Variants in SPAG9 observed in about 807,000 individuals in gnomAD.
SPAG9 encodes the protein C-Jun-amino-terminal kinase-interacting protein 4.
In SPAG9, 35 loss-of-function variants were observed where a neutral mutation model predicts 166.5. The ratio of observed to expected loss-of-function variants is 0.21; its 90% CI spans 0.16 to 0.28. SPAG9 has a LOEUF of 0.28. SPAG9 is among the 10% of genes least tolerant of loss of function. The pLI is 1.00. For synonymous variants in SPAG9, 534 were observed against 565.5 expected (o/e 0.94, Z 0.79); for missense variants, 1,235 against 1,603.3 (o/e 0.77, Z 3.92).
chr17:51,002,923 A>T (rs2095260898), intron 12 of SPAG9, among the ~76,000 whole-genome samples: 1 of 151,744 alleles, frequency 6.6e-6, no homozygotes, highest in African/African-American at 2.4e-5. Context: ...TCTACAGAAA[A>T]TAAAAAATTA....
chr17:51,095,747 TATATATATAGTGATATACATATAGTG>T (rs2048598056), intron 1 of SPAG9, among the ~76,000 whole-genome samples: 1 of 147,434 alleles, frequency 6.8e-6, no homozygotes, highest in Non-Finnish European at 1.5e-5. Flanking sequence ...CATATAGTGA[TATATATATAGTGATATACATATAGTG>T]ATATATATAG....
At chr17:51,118,764 G>T (rs1452512361) in intron 1 of SPAG9, among the ~76,000 whole-genome samples, 1 of 152,166 alleles carries the variant, frequency 6.6e-6, no homozygotes, top group Non-Finnish European at 1.5e-5. Flanking sequence ...TTCTGGCGGG[G>T]TGCGGTGGCT....
chr17:51,041,106 T>C (rs1268428141), intron 5 of SPAG9, among the ~76,000 whole-genome samples: 1 of 152,238 alleles, frequency 6.6e-6, no homozygotes, highest in Admixed American at 6.5e-5. Flanking sequence ...TGTTTTGTTT[T>C]GTTTTTCTGT....
intron 1 of SPAG9, among the ~76,000 whole-genome samples, chr17:51,104,230 A>G (rs1324796686): frequency 6.6e-6 from 1 of 152,158 alleles, no homozygotes; most frequent in Admixed American, 6.6e-5. Context: ...CTCCAGAGAG[A>G]GATCTGGCCT....
At chr17:51,016,132 C>T (rs980040066) in intron 8 of SPAG9, 1 of 152,090 alleles carries the variant, frequency 6.6e-6, no homozygotes, top group African/African-American at 2.4e-5. Context: ...ATCTCCCAAC[C>T]CATATAGTTC....
rs747590923 is a variant in SPAG9 at position 50,995,435 on chromosome 17, T to A, written c.2058+9A>T. 3.8e-6 allele frequency: 6 copies of A among 1,590,658 alleles called. No homozygotes were observed. In the East Asian group the frequency reaches 1.1e-4, roughly 30 times the overall value. ...GAAAACATCTCCTTTTAATTCACAA[T>A]GAACTTACCTTCATTGATGTATCTT... is the stretch of plus-strand genomic sequence containing the variant. On this transcript the variant is annotated intron_variant, in intron 17 of 29. Coordinates refer to ENST00000262013, the MANE Select transcript of SPAG9 (RefSeq NM_001130528.3).
intron 3 of SPAG9, among the ~76,000 whole-genome samples, chr17:51,052,106 A>T (rs2047199147): frequency 6.6e-6 from 1 of 152,230 alleles, no homozygotes; most frequent in South Asian, 2.1e-4. Flanking sequence ...ATCAAATTTT[A>T]AAAAGCCACG....
rs1975818145 is a variant in SPAG9 at position 50,993,749 on chromosome 17, A to G, written c.2398+15T>C. The G allele has an allele frequency of 6.2e-7, 1 of 1,612,352 alleles. No individual in the cohort carries two copies. Among genetic ancestry groups the G allele is most frequent in the African/African-American group, 1.3e-5 (1 of 74,900 alleles). On this transcript the variant is annotated intron_variant, in intron 19 of 29. Coordinates refer to ENST00000262013, the MANE Select transcript of SPAG9 (RefSeq NM_001130528.3). Reference sequence around the variant, plus strand: ...GATGGAGGGGAGGGCAGAGAAACGCATGACTCACTCTTACCTGGCACACTT... The same window carrying G: ...GATGGAGGGGAGGGCAGAGAAACGCGTGACTCACTCTTACCTGGCACACTT...
chr17:51,077,053 G>GCTAGCTAGCTAGCTAT (rs2048020759), intron 2 of SPAG9, among the ~76,000 whole-genome samples: 2 of 113,232 alleles, frequency 1.8e-5, no homozygotes, highest in East Asian at 2.6e-4. Context: ...TAGCTATCTA[G>GCTAGCTAGCTAGCTAT]CTAGCTATCT....
chr17:51,099,381 C>T (rs1316039855), intron 1 of SPAG9, among the ~76,000 whole-genome samples: 2 of 140,618 alleles, frequency 1.4e-5, no homozygotes, highest in African/African-American at 2.6e-5. Flanking sequence ...TGCAGTGAGC[C>T]GAGATAGCGC....
intron 4 of SPAG9, 86 bp from the exon 5 acceptor site, chr17:51,041,737 CACTGTTTTA>C (rs1188899419): frequency 4.1e-6 from 5 of 1,229,064 alleles, no homozygotes; most frequent in Middle Eastern, 4.3e-4. Flanking sequence ...CCTGGACTGC[CACTGTTTTA>C]CAACCATCAC....
intron 26 of SPAG9, among the ~76,000 whole-genome samples, chr17:50,977,786 A>G (rs748261285): frequency 2.6e-5 from 4 of 152,146 alleles, no homozygotes; most frequent in Non-Finnish European, 2.9e-5. Flanking sequence ...TGGGAGGCTG[A>G]GGTGGGAGGG....
intron 14 of SPAG9, 118 bp downstream of exon 14, chr17:50,999,543 G>C (rs1390876972): frequency 4.9e-6 from 7 of 1,417,878 alleles, no homozygotes; most frequent in Non-Finnish European, 6.6e-6. Context: ...ATTACCCCTA[G>C]TTTAAAAAAA....
At chr17:51,105,386 T>C (rs1182259423) in intron 1 of SPAG9, among the ~76,000 whole-genome samples, 1 of 152,076 alleles carries the variant, frequency 6.6e-6, no homozygotes, top group South Asian at 2.1e-4. Flanking sequence ...AGGAATAAGA[T>C]AGAAAACAAG....
chr17:51,039,697 T>C (rs181307262), intron 5 of SPAG9, among the ~76,000 whole-genome samples: 393 of 152,346 alleles, frequency 2.6e-3, no homozygotes, highest in Non-Finnish European at 3.1e-3. Context: ...AATAAAGTTC[T>C]GGCATAGCCT....
intron 5 of SPAG9, among the ~76,000 whole-genome samples, chr17:51,037,665 T>TTATATATATATATATA (rs59365716): frequency 9.8e-4 from 91 of 92,904 alleles, no homozygotes; most frequent in African/African-American, 3.2e-3. Flanking sequence ...TATATGTGTT[T>TTATATATATATATATA]TATATATATA....
chr17:51,025,148 G>A lies in SPAG9; in HGVS notation c.784-3783C>T, dbSNP rs894646292. Among the ~76,000 whole-genome samples, 10 of 151,084 alleles carry A rather than the reference G, an allele frequency of 6.6e-5. No homozygotes were observed. In the East Asian group the frequency reaches 7.8e-4, roughly 12 times the overall value. On this transcript the variant is annotated intron_variant, in intron 6 of 29. Coordinates refer to ENST00000262013, the MANE Select transcript of SPAG9 (RefSeq NM_001130528.3). ...AGCTTGGCCAACATGGGGAAACCCC[G>A]TCTCTACTAAAAATACAAAAATTAG...
chr17:51,031,896 A>C (rs1430426688), intron 5 of SPAG9, 174 bp from the exon 6 acceptor site: 3 of 688,918 alleles, frequency 4.4e-6, no homozygotes, highest in Non-Finnish European at 5.3e-6. Flanking sequence ...TGACCTTAAC[A>C]CTCTAGTTTA....
intron 1 of SPAG9, among the ~76,000 whole-genome samples, chr17:51,094,036 C>G (rs766483460): frequency 6.6e-6 from 1 of 152,134 alleles, no homozygotes; most frequent in African/African-American, 2.4e-5. Flanking sequence ...AGTAATAGGG[C>G]CTCCTTCCTG....
Sources: gnomAD v4.1 joint callset for allele counts (sites outside exome capture counted in the v4.1 genomes callset) on GRCh38, gnomAD v4.1.1 for gene constraint, MANE v1.5 for transcripts, NCBI Gene and HGNC (gene_info 2026-07-23, HGNC 2026-07-21) for gene names.